Variants in MAML3 observed in about 807,000 individuals in gnomAD.
MAML3 encodes mastermind-like protein 3.
A neutral mutation model predicts 101.9 loss-of-function variants in MAML3; 27 were observed. The ratio of observed to expected loss-of-function variants is 0.27; its 90% CI spans 0.20 to 0.37. The LOEUF is 0.37. Among genes scored for constraint, MAML3 ranks in the 10% least tolerant of loss-of-function variants. The pLI is 1.00. For missense variants in MAML3, 1,316 were observed against 1,444.9 expected, an observed-to-expected ratio of 0.91 and a Z score of 1.45; for synonymous variants, 501 against 555.9, an observed-to-expected ratio of 0.90 and a Z score of 1.39.
intron 1 of MAML3, among the ~76,000 whole-genome samples, chr4:139,936,704 T>C (rs1733511409): frequency 6.6e-6 from 1 of 152,080 alleles, no homozygotes; most frequent in African/African-American, 2.4e-5. Flanking sequence ...TGAGACCCTG[T>C]CTCTAAAAAA....
intron 2 of MAML3, among the ~76,000 whole-genome samples, chr4:139,764,406 G>T (rs952571678): frequency 3.3e-5 from 5 of 152,216 alleles, no homozygotes; most frequent in African/African-American, 1.2e-4. Flanking sequence ...CTGTGCCCCT[G>T]CATGTTGCCG....
At position 140,112,482 on chromosome 4, in the gene MAML3, C is replaced by T. The variant is rs1046610982; in HGVS notation, c.468+40378G>A. Among the ~76,000 whole-genome samples, 13 of 152,332 alleles carry T rather than the reference C, an allele frequency of 8.5e-5. 1 individual carries two copies. Among genetic ancestry groups the T allele is most frequent in the Admixed American group, 7.2e-4 (11 of 15,304 alleles). ...TGGTCAATCTGCAGAAAGTAGCCAG[C>T]GAGTGCAGCTTTTTCCATGTGCTCA... On this transcript the variant is annotated intron_variant, in intron 1 of 4. Coordinates refer to ENST00000509479, the MANE Select transcript of MAML3 (RefSeq NM_018717.5).
Position 139,716,855 on chromosome 4 carries a change from G to A in MAML3, c.*2468C>T, listed in dbSNP as rs1727990636. 1 of 152,426 alleles carries A rather than the reference G, an allele frequency of 6.6e-6. No homozygotes were observed. The highest frequency in any genetic ancestry group is 2.4e-5 in the African/African-American group (1 of 41,382). 9.4% of individuals were successfully genotyped at this position (152,426 alleles called of 1,614,324 possible). A position where few individuals can be genotyped will look rare whatever the true frequency, so the allele number is the denominator to read the frequency against. ...CAGCGTTCTGTACATTTCTTAAAAG[G>A]AAATAAGCAATGCTCAATGTACAAA... On this transcript the variant is annotated 3_prime_UTR_variant, in exon 5 of 5. Transcript: ENST00000509479.
chr4:139,803,083 G>A (rs1018011735), intron 2 of MAML3, among the ~76,000 whole-genome samples: 1 of 152,122 alleles, frequency 6.6e-6, no homozygotes, highest in Admixed American at 6.5e-5. Context: ...AGGAAGTGGT[G>A]AACCCTCCAT....
chr4:139,860,771 A>G (rs571886302), intron 2 of MAML3, among the ~76,000 whole-genome samples: 6 of 152,244 alleles, frequency 3.9e-5, no homozygotes, highest in Admixed American at 3.9e-4. Context: ...TATTGTAGGT[A>G]CTCAGTAAAA....
At chr4:139,770,240 T>G (rs1729948654) in intron 2 of MAML3, among the ~76,000 whole-genome samples, 1 of 152,222 alleles carries the variant, frequency 6.6e-6, no homozygotes, top group South Asian at 2.1e-4. Context: ...CCAAGGCTCC[T>G]TGTCTGTGAG....
chr4:139,757,178 C>A (rs1460184035), intron 2 of MAML3, among the ~76,000 whole-genome samples: 1 of 152,158 alleles, frequency 6.6e-6, no homozygotes, highest in Non-Finnish European at 1.5e-5. Context: ...TTACCTCCTC[C>A]ACAGCACCCT....
chr4:139,948,704 C>T (rs549132587), intron 1 of MAML3, among the ~76,000 whole-genome samples: 1 of 152,364 alleles, frequency 6.6e-6, no homozygotes, highest in Non-Finnish European at 1.5e-5. Flanking sequence ...TTTTCTCATA[C>T]TTTATCTCTA....
At chr4:140,128,489 C>G (rs1374292205) in intron 1 of MAML3, among the ~76,000 whole-genome samples, 1 of 152,236 alleles carries the variant, frequency 6.6e-6, no homozygotes, top group Non-Finnish European at 1.5e-5. Flanking sequence ...CTGACCACTA[C>G]TTGGGTTCTG....
intron 1 of MAML3, among the ~76,000 whole-genome samples, chr4:140,010,713 T>A (rs1436490790): frequency 6.6e-6 from 1 of 152,054 alleles, no homozygotes; most frequent in African/African-American, 2.4e-5. Flanking sequence ...ACAAAAAAAA[T>A]GCCAAAATAT....
intron 1 of MAML3, among the ~76,000 whole-genome samples, chr4:139,918,040 G>A (rs534435115): frequency 4.4e-4 from 67 of 152,040 alleles, no homozygotes; most frequent in African/African-American, 1.6e-3. Context: ...ATGTTCGGAC[G>A]CTGTGTCTGT....
chr4:139,810,693 A>G (rs1328830753), intron 2 of MAML3, among the ~76,000 whole-genome samples: 2 of 152,146 alleles, frequency 1.3e-5, no homozygotes, highest in South Asian at 2.1e-4. Flanking sequence ...CTACAACTCT[A>G]TGTGGTAGGT....
intron 2 of MAML3, among the ~76,000 whole-genome samples, chr4:139,820,775 C>G (rs555163473): frequency 1.3e-5 from 2 of 152,192 alleles, no homozygotes; most frequent in African/African-American, 4.8e-5. Flanking sequence ...AACCAGTTCT[C>G]TACTTTTGGT....
chr4:140,042,019 T>A (rs191399764), intron 1 of MAML3, among the ~76,000 whole-genome samples: 7 of 152,358 alleles, frequency 4.6e-5, no homozygotes, highest in African/African-American at 1.7e-4. Context: ...TTAACTCATT[T>A]AACCTTCACA....
chr4:140,085,835 C>T (rs748821624), intron 1 of MAML3, among the ~76,000 whole-genome samples: 9 of 152,146 alleles, frequency 5.9e-5, no homozygotes, highest in Admixed American at 1.3e-4. Context: ...TCTCAGAGAC[C>T]GTAGCTCCAG....
At chr4:139,779,643 CATAGG>C in intron 2 of MAML3, among the ~76,000 whole-genome samples, 1 of 152,248 alleles carries the variant, frequency 6.6e-6, no homozygotes, top group South Asian at 2.1e-4. Context: ...TACACATGAC[CATAGG>C]ATAGGAGGAC....
intron 1 of MAML3, among the ~76,000 whole-genome samples, chr4:139,988,785 A>T (rs932696418): frequency 1.5e-4 from 23 of 152,220 alleles, no homozygotes; most frequent in African/African-American, 5.3e-4. Flanking sequence ...TCATCTCAAT[A>T]AAATTGAGGT....
At chr4:139,778,175 A>T in intron 2 of MAML3, among the ~76,000 whole-genome samples, 1 of 152,254 alleles carries the variant, frequency 6.6e-6, no homozygotes, top group South Asian at 2.1e-4. Context: ...TGAATAAAAG[A>T]ATACCGTGAT....
intron 2 of MAML3, among the ~76,000 whole-genome samples, chr4:139,859,226 C>A (rs1731720761): frequency 7.4e-6 from 1 of 134,690 alleles, no homozygotes; most frequent in South Asian, 2.6e-4. Context: ...GGTTCTACTA[C>A]ATTTTTTTTT....
Sources: gnomAD v4.1 joint callset for allele counts (sites outside exome capture counted in the v4.1 genomes callset) on GRCh38, gnomAD v4.1.1 for gene constraint, MANE v1.5 for transcripts, NCBI Gene and HGNC (gene_info 2026-07-23, HGNC 2026-07-21) for gene names.